The following CCDC93 variants were observed in gnomAD, a reference collection of about 807,000 sequenced individuals.
CCDC93 encodes the protein CCC complex scaffolding subunit CCDC93, also known as coiled-coil domain-containing protein 93.
CCDC93 carries 61 observed loss-of-function variants against 108.2 expected under a neutral mutation model. That is an observed-to-expected ratio of 0.56 (90% CI 0.46 to 0.70). CCDC93 has a LOEUF of 0.70. CCDC93 is among the 30% of genes least tolerant of loss of function. The probability of loss-of-function intolerance (pLI) is 0.00; values close to 1 mark genes in which losing one functional copy is unlikely to be tolerated. For missense variants in CCDC93, 685 were observed against 764.2 expected (o/e 0.90, Z 1.22); for synonymous variants, 276 against 260.4 (o/e 1.06, Z -0.58).
Position 117,941,209 on chromosome 2 carries a change from A to G in CCDC93, c.1502T>C (p.Phe501Ser). 6.2e-7 allele frequency: 1 copy of G among 1,613,148 alleles called. No homozygotes were observed. Among genetic ancestry groups the G allele is most frequent in the African/African-American group, 1.3e-5 (1 of 74,982 alleles). The change falls in exon 19 of 24, where the codon TTT becomes TCT. Residue 501 changes from phenylalanine to serine, a missense_variant. Physicochemically the swap from Phe to Ser is radical, Grantham distance 155 (BLOSUM62 -2). Coordinates refer to ENST00000376300, the MANE Select transcript of CCDC93 (RefSeq NM_019044.5). ...RAELIQYQKRFIELYRQISAV... is the reference protein window; with the variant it reads ...RAELIQYQKRSIELYRQISAV... ...CCTACTCTGGCGGTAGAGTTCAATAAATCTCTTCTGATACTGTATTAGCTC... is the reference window on the plus strand; with the variant it reads ...CCTACTCTGGCGGTAGAGTTCAATAGATCTCTTCTGATACTGTATTAGCTC...
chr2:118,009,877 A>T (rs1299299331), intron 1 of CCDC93, among the ~76,000 whole-genome samples: 1 of 152,136 alleles, frequency 6.6e-6, no homozygotes, highest in Admixed American at 6.6e-5. Context: ...TAATAAATTC[A>T]TCTAATATAT....
intron 23 of CCDC93, among the ~76,000 whole-genome samples, chr2:117,923,484 A>G (rs1389134909): frequency 6.6e-6 from 1 of 152,218 alleles, no homozygotes; most frequent in Non-Finnish European, 1.5e-5. Flanking sequence ...CGCCTGCCTC[A>G]GAGGATCCTA....
intron 3 of CCDC93, among the ~76,000 whole-genome samples, chr2:118,002,059 C>T (rs535490260): frequency 2.0e-5 from 3 of 152,240 alleles, no homozygotes; most frequent in South Asian, 4.1e-4. Context: ...CATTGCCACA[C>T]AAGACCCTTT....
intron 11 of CCDC93, among the ~76,000 whole-genome samples, chr2:117,968,698 ACACT>A (rs1349516539): frequency 6.6e-6 from 1 of 152,210 alleles, no homozygotes; most frequent in African/African-American, 2.4e-5. Flanking sequence ...AAGTTTCCAA[ACACT>A]CACATCTGGC....
intron 12 of CCDC93, 147 bp downstream of exon 12, chr2:117,958,218 G>C: frequency 1.6e-6 from 1 of 609,212 alleles, no homozygotes; most frequent in Non-Finnish European, 2.9e-6. Context: ...AAATGGATGT[G>C]TTATGTTGTA....
chr2:117,988,467 C>T (rs1373137733), intron 6 of CCDC93, among the ~76,000 whole-genome samples: 1 of 152,232 alleles, frequency 6.6e-6, no homozygotes, highest in Admixed American at 6.5e-5. Context: ...TGGCATTCTA[C>T]ACTCAAAAGC....
In CCDC93 at chr2:118,000,937, T is replaced by G; in HGVS notation, c.252-5A>C. The stretch of plus-strand genomic sequence containing the variant: ...ACAATTTTTTCTGACAGAGCTCTGT[T>G]CAGAAAAAGTAACAAGCAAAGAGTG... On this transcript the variant is annotated splice_region_variant and splice_polypyrimidine_tract_variant and intron_variant, in intron 3 of 23. Transcript: ENST00000376300. 1 of 1,581,606 alleles carries G rather than the reference T, an allele frequency of 6.3e-7. No homozygotes were observed. Among genetic ancestry groups the G allele is most frequent in the Non-Finnish European group, 8.7e-7 (1 of 1,150,588 alleles).
intron 15 of CCDC93, among the ~76,000 whole-genome samples, chr2:117,947,557 G>A (rs1678910656): frequency 6.6e-6 from 1 of 152,128 alleles, no homozygotes; most frequent in East Asian, 1.9e-4. Flanking sequence ...ATATATTTTT[G>A]CAAAAACTTC....
Position 117,963,652 on chromosome 2 carries a change from C to T in CCDC93, c.889-5171G>A, listed in dbSNP as rs374892288. Among the ~76,000 whole-genome samples, 10 of 152,272 alleles carry T rather than the reference C, an allele frequency of 6.6e-5. No homozygotes were observed. In the South Asian group the frequency reaches 1.2e-3, roughly 19 times the overall value. On this transcript the variant is annotated intron_variant, in intron 11 of 23. Coordinates refer to ENST00000376300, the MANE Select transcript of CCDC93 (RefSeq NM_019044.5). ...GCTTTGGGTCCCACTGTGAGTAATG[C>T]GGTGTGCCTGCTCAGAATGCACTTA...
rs1679852084 is a variant in CCDC93, at chr2:117,973,997, G to GC, written c.802-4dup. On this transcript the variant is annotated splice_polypyrimidine_tract_variant and splice_region_variant and intron_variant, in intron 10 of 23. Transcript: ENST00000376300. ...ACGGAGCTTGCGGTGAGACGGCTCT[G>GC]CAAGTATATGGAGGGAATGTTCTCA... The GC allele has an allele frequency of 2.5e-6, 4 of 1,597,604 alleles. No homozygotes were observed. The highest frequency in any genetic ancestry group is 3.4e-6 in the Non-Finnish European group (4 of 1,168,860).
chr2:117,923,442 T>C (rs1269673767), intron 23 of CCDC93, among the ~76,000 whole-genome samples: 1 of 152,176 alleles, frequency 6.6e-6, no homozygotes, highest in East Asian at 1.9e-4. Context: ...CCAACGGTCT[T>C]AGCAAATGGC....
chr2:118,013,108 T>C (rs528106529), intron 1 of CCDC93, among the ~76,000 whole-genome samples: 1 of 152,350 alleles, frequency 6.6e-6, no homozygotes, highest in African/African-American at 2.4e-5. Context: ...GGACGACAGA[T>C]GCAAACTACC....
At chr2:117,970,166 T>C (rs181553746) in intron 11 of CCDC93, among the ~76,000 whole-genome samples, 26 of 152,160 alleles carry the variant, frequency 1.7e-4, no homozygotes, top group Non-Finnish European at 3.5e-4. Flanking sequence ...CTGCATAAAA[T>C]AGAAGTATAA....
At chr2:117,943,486 G>A (rs1198902832) in intron 18 of CCDC93, among the ~76,000 whole-genome samples, 8 of 152,216 alleles carry the variant, frequency 5.3e-5, no homozygotes, top group African/African-American at 1.9e-4. Context: ...GGCTCTCACT[G>A]GCCTCTGCAG....
At chr2:117,940,190 T>A (rs554711121) in intron 19 of CCDC93, among the ~76,000 whole-genome samples, 174 of 151,722 alleles carry the variant, frequency 1.1e-3, no homozygotes, top group Admixed American at 2.4e-3. Flanking sequence ...GAATACGGAG[T>A]AGGAGGGCCG....
Position 117,931,165 on chromosome 2 carries a change from T to C in CCDC93, c.1729-15A>G, listed in dbSNP as rs1305766838. ...TTCTTTTCCATCTGTTGAAACATTGTGGGAAATGGTGATGAAAAGACATGT... is the reference window on the plus strand; with the variant it reads ...TTCTTTTCCATCTGTTGAAACATTGCGGGAAATGGTGATGAAAAGACATGT... On this transcript the variant is annotated splice_polypyrimidine_tract_variant and intron_variant, in intron 22 of 23. Transcript: ENST00000376300. 6.3e-7 allele frequency: 1 copy of C among 1,589,574 alleles called. No homozygotes were observed. Among genetic ancestry groups the C allele is most frequent in the Non-Finnish European group, 8.6e-7 (1 of 1,158,036 alleles).
At chr2:117,939,397 G>T (rs1678626147) in intron 19 of CCDC93, among the ~76,000 whole-genome samples, 1 of 152,326 alleles carries the variant, frequency 6.6e-6, no homozygotes, top group East Asian at 1.9e-4. Context: ...TCCAGCCAAA[G>T]AACTGGGTGG....
rs991223209 is a variant in CCDC93, at chr2:117,924,379, GA to G, written c.1843-3984del. ...CCATGGCAAAGAAGTTAAAAACCTTGAAAAAAAATTAGACAAATGGCTAACT... is the reference window on the plus strand; with the variant it reads ...CCATGGCAAAGAAGTTAAAAACCTTGAAAAAAATTAGACAAATGGCTAACT... On this transcript the variant is annotated intron_variant, in intron 23 of 23. Coordinates refer to ENST00000376300, the MANE Select transcript of CCDC93 (RefSeq NM_019044.5). Among the ~76,000 whole-genome samples the G allele has an allele frequency of 3.1e-3, 471 of 152,080 alleles. 4 individuals carry two copies. Among genetic ancestry groups the G allele is most frequent in the African/African-American group, 0.011 (450 of 41,476 alleles).
At chr2:117,939,487 G>A (rs979294110) in intron 19 of CCDC93, among the ~76,000 whole-genome samples, 3 of 152,206 alleles carry the variant, frequency 2.0e-5, no homozygotes, top group Non-Finnish European at 4.4e-5. Flanking sequence ...GTGTAAACAT[G>A]TCTTTATCAG....
Sources: allele counts gnomAD v4.1 joint callset (sites outside exome capture counted in the v4.1 genomes callset), GRCh38; gene constraint gnomAD v4.1.1; transcripts MANE v1.5; gene names NCBI Gene and HGNC (gene_info 2026-07-23, HGNC 2026-07-21).